The following ROBO2 variants were observed in gnomAD, a reference collection of about 807,000 sequenced individuals.
The protein encoded by ROBO2 is roundabout homolog 2.
Under a neutral mutation model 160.8 loss-of-function variants are expected in ROBO2, and 53 were observed. The ratio of observed to expected loss-of-function variants is 0.33; its 90% CI spans 0.26 to 0.41. ROBO2 has a LOEUF of 0.41. ROBO2 is among the 10% of genes least tolerant of loss of function. The probability of loss-of-function intolerance (pLI) is 1.00; values close to 1 mark genes in which losing one functional copy is unlikely to be tolerated. For synonymous variants in ROBO2, 664 were observed against 611.7 expected (o/e 1.09, Z -1.26); for missense variants, 1,577 against 1,722.4 (o/e 0.92, Z 1.49).
intron 2 of ROBO2, among the ~76,000 whole-genome samples, chr3:76,093,434 G>A (rs1390418837): frequency 2.7e-5 from 4 of 148,566 alleles, no homozygotes; most frequent in Non-Finnish European, 5.9e-5. Flanking sequence ...TTTACTAGCA[G>A]TCACACAGGC....
At chr3:76,235,435 A>T (rs1035018732) in intron 2 of ROBO2, among the ~76,000 whole-genome samples, 1 of 152,174 alleles carries the variant, frequency 6.6e-6, no homozygotes, top group Non-Finnish European at 1.5e-5. Flanking sequence ...CTTTGGAGGG[A>T]GTGTGGTCCT....
chr3:77,473,440 C>CTTTT lies in ROBO2; in HGVS notation c.389-3940_389-3937dup, dbSNP rs71104688. On this transcript the variant is annotated intron_variant, in intron 2 of 25. Transcript: ENST00000461745. ...CTGCAGTTCGATTTTACAAACTGCT[C>CTTTT]TTTTTTTTTTTTTTTTTTTTTTTTT... Among the ~76,000 whole-genome samples the CTTTT allele has an allele frequency of 9.0e-5, 7 of 77,936 alleles. 2 individuals carry two copies. The highest frequency in any genetic ancestry group is 1.5e-4 in the Non-Finnish European group (6 of 39,892). 51.1% of individuals were successfully genotyped at this position (77,936 alleles called of 152,430 possible). A position where few individuals can be genotyped will look rare whatever the true frequency, so the allele number is the denominator to read the frequency against.
chr3:77,175,086 C>T (rs2080011659), intron 2 of ROBO2, among the ~76,000 whole-genome samples: 1 of 152,026 alleles, frequency 6.6e-6, no homozygotes, highest in South Asian at 2.1e-4. Context: ...ACAACCCTGT[C>T]AGGTAAGTTG....
At chr3:77,322,473 A>G (rs1479946444) in intron 2 of ROBO2, among the ~76,000 whole-genome samples, 1 of 152,124 alleles carries the variant, frequency 6.6e-6, no homozygotes, top group Non-Finnish European at 1.5e-5. Flanking sequence ...TTTGTCTAAC[A>G]TAATGCTTAA....
intron 2 of ROBO2, among the ~76,000 whole-genome samples, chr3:76,833,982 T>TTTCC (rs2067310095): frequency 1.0e-5 from 1 of 98,994 alleles, no homozygotes; most frequent in Non-Finnish European, 2.4e-5. Flanking sequence ...CTTTCTTTTC[T>TTTCC]TTCTTTCTTT....
intron 2 of ROBO2, among the ~76,000 whole-genome samples, chr3:76,153,635 C>A (rs538434746): frequency 1.3e-5 from 2 of 152,272 alleles, no homozygotes; most frequent in East Asian, 1.9e-4. Flanking sequence ...ACGAACCTTA[C>A]AATCCTCATG....
chr3:76,498,161 A>G (rs144290955), intron 2 of ROBO2, among the ~76,000 whole-genome samples: 1,701 of 152,292 alleles, frequency 0.011, 91 homozygotes, highest in Admixed American at 0.09. Context: ...GTGTATATGT[A>G]CTCCAAACAT....
At chr3:77,632,006 T>A (rs558119571) in intron 23 of ROBO2, 1 of 152,248 alleles carries the variant, frequency 6.6e-6, no homozygotes, top group Non-Finnish European at 1.5e-5. Context: ...CTTGAAATAA[T>A]TTTTGCCCTT....
rs115246866 is a variant in ROBO2, at chr3:76,623,683, A to G, written c.110-474331A>G. Among the ~76,000 whole-genome samples, 1,314 of 152,314 alleles carry G rather than the reference A, an allele frequency of 8.6e-3. 16 individuals carry two copies. The highest frequency in any genetic ancestry group is 0.03 in the African/African-American group (1,239 of 41,562). ...ACTTCCAGAACCTACATTATTCTGAAATCTTTAACAACATAAGGTTTAGAT... is the reference window on the plus strand; with the variant it reads ...ACTTCCAGAACCTACATTATTCTGAGATCTTTAACAACATAAGGTTTAGAT... On this transcript the variant is annotated intron_variant, in intron 2 of 26. Transcript: ENST00000487694.
At chr3:77,546,680 T>C (rs534222359) in intron 7 of ROBO2, among the ~76,000 whole-genome samples, 2 of 152,242 alleles carry the variant, frequency 1.3e-5, no homozygotes, top group African/African-American at 2.4e-5. Context: ...GTCTCTTACA[T>C]AGAACAGCAA....
intron 2 of ROBO2, among the ~76,000 whole-genome samples, chr3:77,175,060 A>C (rs4683992): frequency 0.29 from 44,434 of 151,872 alleles, 7,810 homozygotes; most frequent in Middle Eastern, 0.46. Flanking sequence ...TCAATTTATA[A>C]CTCATATTTT....
chr3:76,044,536 G>A lies in ROBO2; in HGVS notation c.109+106934G>A, dbSNP rs568288899. 3.2e-5 allele frequency among the ~76,000 whole-genome samples: 4 copies of A among 123,086 alleles called. 1 individual carries two copies. The highest frequency in any genetic ancestry group is 1.4e-4 in the African/African-American group (4 of 28,766). 80.7% of individuals were successfully genotyped at this position (123,086 alleles called of 152,430 possible). A position where few individuals can be genotyped will look rare whatever the true frequency, so the allele number is the denominator to read the frequency against. On this transcript the variant is annotated intron_variant, in intron 2 of 26. Coordinates refer to the ROBO2 transcript ENST00000487694. ...TAGGGAGAAATAAGTCACAGTCACA[G>A]AGATTCATTCATTCATTCATTCATT... is the stretch of plus-strand genomic sequence containing the variant.
intron 2 of ROBO2, among the ~76,000 whole-genome samples, chr3:77,293,104 G>A (rs189163208): frequency 3.3e-3 from 489 of 147,500 alleles, no homozygotes; most frequent in African/African-American, 7.1e-3. Context: ...GCGGTTAAAC[G>A]GGTAAGCTGA....
At chr3:76,287,059 T>G (rs932189961) in intron 2 of ROBO2, among the ~76,000 whole-genome samples, 4 of 152,034 alleles carry the variant, frequency 2.6e-5, no homozygotes, top group Admixed American at 6.6e-5. Flanking sequence ...TAAGCAAAAA[T>G]ATAAATTTAT....
chr3:77,282,691 C>T (rs1400443389), intron 2 of ROBO2, among the ~76,000 whole-genome samples: 7 of 152,010 alleles, frequency 4.6e-5, no homozygotes, highest in Non-Finnish European at 1.5e-5. Context: ...ATTATATCTG[C>T]ACAAAGTCAT....
chr3:76,829,506 C>A (rs1397064897), intron 2 of ROBO2, among the ~76,000 whole-genome samples: 1 of 151,862 alleles, frequency 6.6e-6, no homozygotes, highest in African/African-American at 2.4e-5. Flanking sequence ...GAAAATCCTC[C>A]CTTGCATGAC....
chr3:77,455,512 A>T (rs946475579), intron 2 of ROBO2, among the ~76,000 whole-genome samples: 1 of 152,152 alleles, frequency 6.6e-6, no homozygotes, highest in Non-Finnish European at 1.5e-5. Flanking sequence ...GCTCACCGCA[A>T]CATCCAACTC....
intron 2 of ROBO2, among the ~76,000 whole-genome samples, chr3:77,224,344 C>T (rs1352502992): frequency 1.3e-5 from 2 of 151,864 alleles, no homozygotes; most frequent in African/African-American, 2.4e-5. Context: ...GATTGCCTAA[C>T]TAAGTAAAAT....
In ROBO2 at chr3:76,235,228, AG is replaced by A. The variant is rs561340265; in HGVS notation, c.109+297628del. 3.1e-4 allele frequency among the ~76,000 whole-genome samples: 47 copies of A among 152,264 alleles called. No individual in the cohort carries two copies. In the South Asian group the frequency reaches 9.5e-3, roughly 31 times the overall value. Reference sequence around the variant, plus strand: ...ACTAACTTATGTCTTCATAAGAAAAAGGAGTGGGAGATTTAGACACAGAAAC... The same window carrying A: ...ACTAACTTATGTCTTCATAAGAAAAAGAGTGGGAGATTTAGACACAGAAAC... On this transcript the variant is annotated intron_variant, in intron 2 of 26. Coordinates refer to the ROBO2 transcript ENST00000487694.
Sources: gnomAD v4.1 joint callset for allele counts (sites outside exome capture counted in the v4.1 genomes callset) on GRCh38, gnomAD v4.1.1 for gene constraint, MANE v1.5 for transcripts, NCBI Gene and HGNC (gene_info 2026-07-23, HGNC 2026-07-21) for gene names.